The following TATDN1 variants were observed in gnomAD, a reference collection of about 807,000 sequenced individuals.
TATDN1 encodes deoxyribonuclease TATDN1.
TATDN1 carries 40 observed loss-of-function variants against 46.4 expected under a neutral mutation model. The observed-to-expected ratio is 0.86, with a 90% confidence interval of 0.67 to 1.12. TATDN1 has a LOEUF of 1.12. Ranked by LOEUF, TATDN1 falls within the 50% of genes most tolerant of loss-of-function variation. The pLI, the probability that TATDN1 is intolerant of heterozygous loss-of-function variation, is 0.00. For missense variants in TATDN1, 326 were observed against 348.4 expected (o/e 0.94, Z 0.51); for synonymous variants, 95 against 105.6 (o/e 0.90, Z 0.62).
At chr8:124,522,264 C>A in intron 2 of TATDN1, 64 bp from the exon 3 acceptor site, 2 of 992,272 alleles carry the variant, frequency 2.0e-6, no homozygotes, top group Non-Finnish European at 3.1e-6. Flanking sequence ...TTTTTTTTAG[C>A]TTCTGTGCAA....
chr8:124,511,507 T>C (rs1819010085), intron 6 of TATDN1, among the ~76,000 whole-genome samples: 1 of 152,134 alleles, frequency 6.6e-6, no homozygotes. Flanking sequence ...AAATTCCTCC[T>C]ACCCAAGAGA....
At chr8:124,489,703 C>CGGTG in intron 11 of TATDN1, 1 of 152,328 alleles carries the variant, frequency 6.6e-6, no homozygotes, top group South Asian at 2.1e-4. Context: ...TGTGAGCCAC[C>CGGTG]GCGCCTGGCC....
chr8:124,536,091 A>G lies in TATDN1; in HGVS notation c.22+2934T>C, dbSNP rs1007850568. Reference sequence around the variant, plus strand: ...TATTTTGCATTTTCTTCTTGCACAGATATTTCTCATTTTTTGGTGTACTAT... The same window carrying G: ...TATTTTGCATTTTCTTCTTGCACAGGTATTTCTCATTTTTTGGTGTACTAT... On this transcript the variant is annotated intron_variant, in intron 1 of 11. Coordinates refer to ENST00000276692, the MANE Select transcript of TATDN1 (RefSeq NM_032026.4). 2.6e-5 allele frequency among the ~76,000 whole-genome samples: 4 copies of G among 152,180 alleles called. No homozygotes were observed. In the South Asian group the frequency reaches 6.2e-4, roughly 24 times the overall value.
At chr8:124,504,076 A>C in intron 9 of TATDN1, 195 bp downstream of exon 9, 1 of 764,438 alleles carries the variant, frequency 1.3e-6, no homozygotes, top group Non-Finnish European at 2.0e-6. Flanking sequence ...GTAGTCTATA[A>C]CTTTCGAGCT....
At chr8:124,493,763 G>A in intron 11 of TATDN1, 70 bp downstream of exon 11, 1 of 1,517,090 alleles carries the variant, frequency 6.6e-7, no homozygotes, top group South Asian at 1.3e-5. Flanking sequence ...TCTGTCCCTT[G>A]CGTTAATTTT....
Position 124,533,241 on chromosome 8 carries a change from G to T in TATDN1, c.22+5784C>A, listed in dbSNP as rs189316199. Among the ~76,000 whole-genome samples, 963 of 149,442 alleles carry T rather than the reference G, an allele frequency of 6.4e-3. 12 individuals carry two copies. Among genetic ancestry groups the T allele is most frequent in the African/African-American group, 0.023 (923 of 40,512 alleles). On this transcript the variant is annotated intron_variant, in intron 1 of 11. Coordinates refer to ENST00000276692, the MANE Select transcript of TATDN1 (RefSeq NM_032026.4). ...CACTACAGCCTGGGCGACAGAGTGAGACTCTGTCTCAAAAAAAAAAAACGC... is the reference window on the plus strand; with the variant it reads ...CACTACAGCCTGGGCGACAGAGTGATACTCTGTCTCAAAAAAAAAAAACGC...
intron 8 of TATDN1, among the ~76,000 whole-genome samples, chr8:124,505,536 CAAA>C (rs199714420): frequency 1.2e-4 from 9 of 75,330 alleles, no homozygotes; most frequent in Admixed American, 3.0e-4. Flanking sequence ...GAAACTGTCT[CAAA>C]AAAAAAAAAA....
chr8:124,538,856 G>A lies in TATDN1; in HGVS notation c.22+169C>T, dbSNP rs1050991162. 4.8e-5 allele frequency: 34 copies of A among 701,046 alleles called. No homozygotes were observed. The African/African-American group carries it at 5.0e-4, about 10-fold the overall frequency. 43.4% of individuals were successfully genotyped at this position (701,046 alleles called of 1,614,324 possible). A position where few individuals can be genotyped will look rare whatever the true frequency, so the allele number is the denominator to read the frequency against. On this transcript the variant is annotated intron_variant, in intron 1 of 11. Transcript: ENST00000276692. ...CTCGTGAATCCAGAACCTAGATCAAGAACCAGAGCATTACCAGCACCCAGA... is the reference window on the plus strand; with the variant it reads ...CTCGTGAATCCAGAACCTAGATCAAAAACCAGAGCATTACCAGCACCCAGA...
rs56023168 is a variant in TATDN1 at position 124,506,334 on chromosome 8, C to CAAA, written c.517-1990_517-1988dup. 2.3e-3 allele frequency among the ~76,000 whole-genome samples: 121 copies of CAAA among 52,308 alleles called. 2 individuals are homozygous for CAAA. The highest frequency in any genetic ancestry group is 0.018 in the Middle Eastern group (1 of 56). The allele number at this position is 52,308 out of a possible 152,430, so 34.3% of individuals were successfully genotyped here. A position where few individuals can be genotyped will look rare whatever the true frequency, so the allele number is the denominator to read the frequency against. On this transcript the variant is annotated intron_variant, in intron 8 of 11. Coordinates refer to ENST00000276692, the MANE Select transcript of TATDN1 (RefSeq NM_032026.4). ...TGGGTGACAGAGCAAGGCTCTGTCT[C>CAAA]AAAAAAAAAAAAAAAAAAAAAAGAA...
intron 2 of TATDN1, 118 bp from the exon 3 acceptor site, chr8:124,522,318 G>C (rs1353119474): frequency 1.1e-5 from 8 of 696,872 alleles, no homozygotes; most frequent in Non-Finnish European, 1.0e-5. Context: ...AACTTCTACA[G>C]GTAAGAAGAC....
intron 1 of TATDN1, among the ~76,000 whole-genome samples, chr8:124,530,317 A>G (rs895228645): frequency 5.9e-5 from 9 of 152,240 alleles, no homozygotes; most frequent in South Asian, 2.1e-4. Context: ...CCAATGGCAC[A>G]TATCTATTAT....
At chr8:124,526,842 C>G (rs943079673) in intron 1 of TATDN1, 3 of 152,170 alleles carry the variant, frequency 2.0e-5, no homozygotes, top group African/African-American at 4.8e-5. Flanking sequence ...TACAAAGGGA[C>G]AGCAAATAAG....
At chr8:124,506,446 A>G (rs966244902) in intron 8 of TATDN1, among the ~76,000 whole-genome samples, 2 of 152,166 alleles carry the variant, frequency 1.3e-5, no homozygotes, top group Non-Finnish European at 2.9e-5. Flanking sequence ...TCCCAACGGC[A>G]TTAGTTAAAA....
Position 124,488,576 on chromosome 8 carries a change from G to A in TATDN1, c.*18C>T, listed in dbSNP as rs376828757. The A allele has an allele frequency of 7.2e-6, 9 of 1,257,502 alleles. No individual in the cohort carries two copies. The highest frequency in any genetic ancestry group is 8.0e-6 in the Non-Finnish European group (7 of 880,194). 77.9% of individuals were successfully genotyped at this position (1,257,502 alleles called of 1,614,324 possible). A position where few individuals can be genotyped will look rare whatever the true frequency, so the allele number is the denominator to read the frequency against. On this transcript the variant is annotated 3_prime_UTR_variant, in exon 12 of 12. Transcript: ENST00000276692. ...TGAAATTTTACATACATGATGGAAAGTGGAAGACATATACCAATTATATTC... is the reference window on the plus strand; with the variant it reads ...TGAAATTTTACATACATGATGGAAAATGGAAGACATATACCAATTATATTC...
intron 2 of TATDN1, 51 bp from the exon 3 acceptor site, chr8:124,522,251 C>CTT: frequency 3.5e-5 from 37 of 1,058,420 alleles, no homozygotes; most frequent in Admixed American, 7.3e-5. Context: ...AAAAATTTGA[C>CTT]TTTTTTTTTT....
intron 1 of TATDN1, among the ~76,000 whole-genome samples, chr8:124,533,093 A>G (rs1283906552): frequency 1.3e-5 from 2 of 152,150 alleles, no homozygotes; most frequent in Non-Finnish European, 2.9e-5. Flanking sequence ...TCTACTAAAA[A>G]TACAAAACAT....
intron 1 of TATDN1, among the ~76,000 whole-genome samples, chr8:124,528,910 TAAG>T (rs908884099): frequency 6.6e-6 from 1 of 152,210 alleles, no homozygotes; most frequent in Non-Finnish European, 1.5e-5. Flanking sequence ...CTGTTTTATC[TAAG>T]AAGTACAACA....
At chr8:124,534,420 T>C (rs541615474) in intron 1 of TATDN1, among the ~76,000 whole-genome samples, 2 of 152,308 alleles carry the variant, frequency 1.3e-5, no homozygotes, top group East Asian at 3.9e-4. Flanking sequence ...AGGTGTGAGA[T>C]AGGAAAAAAT....
At chr8:124,506,767 C>T (rs1186075331) in intron 8 of TATDN1, among the ~76,000 whole-genome samples, 5 of 152,192 alleles carry the variant, frequency 3.3e-5, no homozygotes, top group Admixed American at 1.3e-4. Context: ...TTTTGCTAGA[C>T]ACAGTCACTC....
Sources: gnomAD v4.1 joint callset for allele counts (sites outside exome capture counted in the v4.1 genomes callset) on GRCh38, gnomAD v4.1.1 for gene constraint, MANE v1.5 for transcripts, NCBI Gene and HGNC (gene_info 2026-07-23, HGNC 2026-07-21) for gene names.